The following COL5A1 variants were observed in gnomAD, a reference collection of about 807,000 sequenced individuals.
COL5A1 encodes the protein collagen alpha-1(V) chain.
In COL5A1, 16 loss-of-function variants were observed where a neutral mutation model predicts 263.7. The ratio of observed to expected loss-of-function variants is 0.06; its 90% CI spans 0.04 to 0.09. COL5A1 has a LOEUF of 0.09. Ranked by LOEUF, COL5A1 falls within the 10% of genes least tolerant of loss-of-function variation. COL5A1 has a pLI of 1.00. For missense variants in COL5A1, 2,036 were observed against 2,540.5 expected (o/e 0.80, Z 4.27); for synonymous variants, 1,012 against 1,004.5 (o/e 1.01, Z -0.14).
At chr9:134,738,582 C>T in intron 10 of COL5A1, 67 bp downstream of exon 10, 1 of 1,592,546 alleles carries the variant, frequency 6.3e-7, no homozygotes, top group Non-Finnish European at 8.6e-7. Context: ...TGGTGACACC[C>T]CTTATGTCTC....
intron 18 of COL5A1, among the ~76,000 whole-genome samples, chr9:134,760,387 CA>C (rs1836320950): frequency 1.0e-5 from 1 of 98,662 alleles, no homozygotes; most frequent in East Asian, 3.9e-4. Flanking sequence ...CATGCATACA[CA>C]CCCCCACACC....
chr9:134,671,887 C>T (rs1313907426), intron 1 of COL5A1, among the ~76,000 whole-genome samples: 2 of 152,218 alleles, frequency 1.3e-5, no homozygotes, highest in African/African-American at 4.8e-5. Context: ...AGCCAACAGG[C>T]GCGTTTGTCT....
intron 1 of COL5A1, among the ~76,000 whole-genome samples, chr9:134,651,073 C>A (rs530502228): frequency 2.6e-5 from 4 of 152,346 alleles, no homozygotes; most frequent in African/African-American, 9.6e-5. Flanking sequence ...TTGCTGGCGC[C>A]AGCCTCCATG....
At position 134,809,186 on chromosome 9, in the gene COL5A1, G is replaced by C. The variant is rs1345262513; in HGVS notation, c.3370G>C (p.Glu1124Gln). 1 of 1,579,782 alleles carries C rather than the reference G, an allele frequency of 6.3e-7. No individual in the cohort carries two copies. The highest frequency in any genetic ancestry group is 1.8e-5 in the Admixed American group (1 of 55,194). ...TGAGATCTTCTGTATTCTCTAGGGC[G>C]AGAAAGGCCCACAAGGCCCAGCTGG... ...GPAGEKGAPG[E>Q]KGPQGPAGRD... The change falls in exon 43 of 66, where the codon GAG (glutamate) becomes CAG (glutamine). Residue 1124 changes from glutamate to glutamine, a missense_variant. Around this residue, in one of 3 missense-constraint regions of COL5A1, gnomAD observed 1,078 missense variants for 1,521.4 expected, o/e 0.71. Transcript: ENST00000371817.
chr9:134,838,526 G>A (rs1839919001), intron 65 of COL5A1, among the ~76,000 whole-genome samples: 2 of 152,172 alleles, frequency 1.3e-5, no homozygotes, highest in Admixed American at 1.3e-4. Context: ...CAGCAGCGTG[G>A]GTCTGGTTAG....
In COL5A1 at chr9:134,750,827, G is replaced by A. The variant is rs773622776; in HGVS notation, c.1607G>A (p.Gly536Asp). The A allele has an allele frequency of 1.2e-6, 2 of 1,613,190 alleles. No homozygotes were observed. Among genetic ancestry groups the A allele is most frequent in the South Asian group, 1.1e-5 (1 of 91,074 alleles). ...GGTGGCGGCGATGCGGGCTCCAAAG[G>A]CCCCATGGTCTCAGCCCAGGAGTCC... is the stretch of plus-strand genomic sequence containing the variant. ...FGGGGDAGSK[G>D]PMVSAQESQA... is the part of the protein sequence containing the mutation. Residue 536 changes from glycine (G) to aspartate (D), a missense_variant, in exon 13 of 66, where the codon GGC becomes GAC. Transcript: ENST00000371817.
chr9:134,654,576 TG>T (rs1316559774), intron 1 of COL5A1, among the ~76,000 whole-genome samples: 8 of 107,892 alleles, frequency 7.4e-5, no homozygotes, highest in African/African-American at 1.5e-4. Flanking sequence ...TGTGTAGGGC[TG>T]GGGGTGTGTA....
chr9:134,685,774 ACCATCATCCATCCATTGT>A (rs1160224942), intron 1 of COL5A1, among the ~76,000 whole-genome samples: 2 of 123,272 alleles, frequency 1.6e-5, no homozygotes, highest in African/African-American at 3.2e-5. Flanking sequence ...CCATCCATCC[ACCATCATCCATCCATTGT>A]CCATCATCCA....
intron 27 of COL5A1, among the ~76,000 whole-genome samples, chr9:134,776,435 G>A (rs1837053060): frequency 6.6e-6 from 1 of 152,184 alleles, no homozygotes; most frequent in South Asian, 2.1e-4. Flanking sequence ...ATTCATTCAT[G>A]ACATGAGCAA....
chr9:134,644,694 G>A (rs1831420251), intron 1 of COL5A1, among the ~76,000 whole-genome samples: 2 of 152,164 alleles, frequency 1.3e-5, no homozygotes, highest in Non-Finnish European at 2.9e-5. Context: ...CTTTCTTTTG[G>A]CCAAGTGTGT....
chr9:134,700,864 T>A lies in COL5A1; in HGVS notation c.492-307T>A, dbSNP rs1019403208. Among the ~76,000 whole-genome samples the A allele has an allele frequency of 2.6e-5, 4 of 152,064 alleles. No homozygotes were observed. The highest frequency in any genetic ancestry group is 5.9e-5 in the Non-Finnish European group (4 of 68,018). On this transcript the variant is annotated intron_variant, in intron 3 of 65. Transcript: ENST00000371817. This position sits in a 1 kb window ranked among gnomAD's most constrained non-coding sequence, Gnocchi z 4.0. ...CGCTCCCAGGGACCACACTCCTGGG[T>A]CCCGAGCCAGTGCCGAGTGCTGTGT...
chr9:134,802,872 C>T lies in COL5A1; in HGVS notation c.3007-16C>T, dbSNP rs1564469122. 6.3e-7 allele frequency: 1 copy of T among 1,594,652 alleles called. No individual in the cohort carries two copies. Among genetic ancestry groups the T allele is most frequent in the East Asian group, 2.2e-5 (1 of 44,732 alleles). The stretch of plus-strand genomic sequence containing the variant: ...TCACTCGAAACGTCTGTGGCTGACA[C>T]TGATTTTCCCCACAGGGTCCCACGG... On this transcript the variant is annotated splice_polypyrimidine_tract_variant and intron_variant, in intron 38 of 65. Coordinates refer to ENST00000371817, the MANE Select transcript of COL5A1 (RefSeq NM_000093.5).
At chr9:134,787,892 C>T (rs1330496038) in intron 31 of COL5A1, among the ~76,000 whole-genome samples, 2 of 152,162 alleles carry the variant, frequency 1.3e-5, no homozygotes, top group Non-Finnish European at 2.9e-5. Context: ...GGGGAGGGAG[C>T]ATGATGAAAC....
chr9:134,697,917 C>G (rs1452726415), intron 2 of COL5A1, among the ~76,000 whole-genome samples: 1 of 152,162 alleles, frequency 6.6e-6, no homozygotes, highest in Non-Finnish European at 1.5e-5. Flanking sequence ...AACCCCGTCT[C>G]TACCAAAAAT....
At chr9:134,687,005 A>C (rs1480847887) in intron 1 of COL5A1, among the ~76,000 whole-genome samples, 1 of 152,202 alleles carries the variant, frequency 6.6e-6, no homozygotes, top group Non-Finnish European at 1.5e-5. Flanking sequence ...TGGTGGGGTC[A>C]GGAGGCCCCA....
intron 31 of COL5A1, among the ~76,000 whole-genome samples, chr9:134,788,557 C>T (rs1277797214): frequency 8.8e-6 from 1 of 113,042 alleles, no homozygotes; most frequent in Non-Finnish European, 1.8e-5. Flanking sequence ...GATAGGTAGG[C>T]AGATGGAATG....
At chr9:134,803,122 C>A in intron 39 of COL5A1, 127 bp downstream of exon 39, 1 of 814,392 alleles carries the variant, frequency 1.2e-6, no homozygotes, top group Non-Finnish European at 2.1e-6. Flanking sequence ...CATGCCGGTT[C>A]ACTCCCCAGA....
chr9:134,725,498 G>T (rs1047571644), intron 4 of COL5A1, among the ~76,000 whole-genome samples: 1 of 152,172 alleles, frequency 6.6e-6, no homozygotes, highest in African/African-American at 2.4e-5. Context: ...CCAGGGTGCT[G>T]CCAGGGTGAC....
chr9:134,783,096 C>T (rs754832223), intron 29 of COL5A1, among the ~76,000 whole-genome samples: 9 of 152,232 alleles, frequency 5.9e-5, no homozygotes, highest in Non-Finnish European at 1.2e-4. Flanking sequence ...AGAGCAGCTA[C>T]GGAAATGACC....
Sources: gnomAD v4.1 joint callset for allele counts (sites outside exome capture counted in the v4.1 genomes callset) on GRCh38, gnomAD v4.1.1 for gene constraint, gnomAD v4.1.1 regional missense constraint, Gnocchi (gnomAD v3.1) non-coding constraint, MANE v1.5 for transcripts, NCBI Gene and HGNC (gene_info 2026-07-23, HGNC 2026-07-21) for gene names.